The following CDK5RAP1 variants were observed in gnomAD, a reference collection of about 807,000 sequenced individuals.
CDK5RAP1 encodes the protein mitochondrial tRNA methylthiotransferase CDK5RAP1.
In CDK5RAP1, 62 loss-of-function variants were observed where a neutral mutation model predicts 64.5. The ratio of observed to expected loss-of-function variants is 0.96; its 90% CI spans 0.78 to 1.19. CDK5RAP1 has a LOEUF of 1.19. Ranked by LOEUF, CDK5RAP1 falls within the 50% of genes most tolerant of loss-of-function variation. The probability of loss-of-function intolerance (pLI) is 0.00; values close to 1 mark genes in which losing one functional copy is unlikely to be tolerated. For synonymous variants in CDK5RAP1, 250 were observed against 261.9 expected (o/e 0.95, Z 0.44); for missense variants, 657 against 735.0 (o/e 0.89, Z 1.23).
chr20:33,383,640 C>G lies in CDK5RAP1; in HGVS notation c.876+2010G>C, dbSNP rs1314485549. ...CCTATAATCCCAGCTACTCGGGAGG[C>G]TGAGGCAGGAGAATCGTTTGAACCC... On this transcript the variant is annotated intron_variant, in intron 7 of 13. Transcript: ENST00000346416. 1.3e-5 allele frequency: 2 copies of G among 151,288 alleles called. 1 individual carries two copies. Among genetic ancestry groups the G allele is most frequent in the Non-Finnish European group, 2.9e-5 (2 of 68,076 alleles). The allele number at this position is 151,288 out of a possible 1,614,324, so 9.4% of individuals were successfully genotyped here.
At chr20:33,370,355 A>G in intron 11 of CDK5RAP1, 144 bp downstream of exon 11, 1 of 760,358 alleles carries the variant, frequency 1.3e-6, no homozygotes, top group Non-Finnish European at 2.1e-6. Flanking sequence ...AGTGTACTAG[A>G]AAAATGAACG....
chr20:33,389,346 G>A (rs535453103), intron 5 of CDK5RAP1, among the ~76,000 whole-genome samples: 10 of 149,544 alleles, frequency 6.7e-5, no homozygotes, highest in East Asian at 6.2e-4. Context: ...CCCTCCGCGC[G>A]GCAGCCGCCC....
intron 8 of CDK5RAP1, among the ~76,000 whole-genome samples, chr20:33,375,914 T>C (rs558079753): frequency 6.6e-6 from 1 of 152,228 alleles, no homozygotes; most frequent in South Asian, 2.1e-4. Flanking sequence ...CTCGCTAGAG[T>C]GCAATGAAAC....
intron 1 of CDK5RAP1, among the ~76,000 whole-genome samples, chr20:33,400,844 C>T (rs1989342626): frequency 6.6e-6 from 1 of 152,126 alleles, no homozygotes; most frequent in African/African-American, 2.4e-5. Context: ...ACCCTGGAGT[C>T]AGAATCTGAC....
intron 4 of CDK5RAP1, 47 bp from the exon 5 acceptor site, chr20:33,392,289 A>C (rs374631611): frequency 5.8e-6 from 7 of 1,207,010 alleles, no homozygotes; most frequent in African/African-American, 3.0e-5. Context: ...TAAACCACAG[A>C]GGTATCTAAG....
rs556798057 is a variant in CDK5RAP1 at position 33,376,067 on chromosome 20, G to A, written c.1108-1855C>T. On this transcript the variant is annotated intron_variant, in intron 8 of 13. Coordinates refer to ENST00000346416, the MANE Select transcript of CDK5RAP1 (RefSeq NM_016408.4). The stretch of plus-strand genomic sequence containing the variant: ...TATAGGGCCGGGCACAGTGGCTCAC[G>A]CCTGTAATCCCAGCACTTTAGGAGG... Among the ~76,000 whole-genome samples, 18 of 152,166 alleles carry A rather than the reference G, an allele frequency of 1.2e-4. No individual in the cohort carries two copies. The East Asian group carries it at 2.7e-3, about 23-fold the overall frequency.
At chr20:33,397,130 G>T in intron 1 of CDK5RAP1, 46 bp from the exon 2 acceptor site, 1 of 1,414,628 alleles carries the variant, frequency 7.1e-7, no homozygotes, top group Non-Finnish European at 9.6e-7. Flanking sequence ...GAACACTATG[G>T]ACAGGACACT....
intron 10 of CDK5RAP1, among the ~76,000 whole-genome samples, chr20:33,371,280 T>G (rs1203355128): frequency 1.3e-5 from 2 of 152,142 alleles, no homozygotes; most frequent in African/African-American, 4.8e-5. Flanking sequence ...GGCGACAGAA[T>G]GATAACCTAT....
chr20:33,398,451 G>A (rs1451859173), intron 1 of CDK5RAP1, among the ~76,000 whole-genome samples: 1 of 152,084 alleles, frequency 6.6e-6, no homozygotes, highest in Non-Finnish European at 1.5e-5. Flanking sequence ...CCAAGATCAC[G>A]CCACTGCACT....
At chr20:33,394,988 C>A in intron 3 of CDK5RAP1, 25 bp downstream of exon 3, 2 of 1,400,046 alleles carry the variant, frequency 1.4e-6, no homozygotes, top group Non-Finnish European at 2.0e-6. Flanking sequence ...GTCCAGGAAA[C>A]AAAGGAAATA....
chr20:33,399,936 T>C (rs1343122401), intron 1 of CDK5RAP1, among the ~76,000 whole-genome samples: 1 of 151,854 alleles, frequency 6.6e-6, no homozygotes, highest in Non-Finnish European at 1.5e-5. Flanking sequence ...CCCAGCAACT[T>C]GGGAAGCTGA....
chr20:33,401,477 G>C lies in CDK5RAP1; in HGVS notation c.-70C>G, dbSNP rs1989413991. On this transcript the variant is annotated 5_prime_UTR_variant, in exon 1 of 14. Coordinates refer to ENST00000346416, the MANE Select transcript of CDK5RAP1 (RefSeq NM_016408.4). ...GGGTCCCGCAGCGTAAGTTCTGCCG[G>C]CAAGTCGGATCCCCTCACAGGTCCG... 3.0e-6 allele frequency: 3 copies of C among 985,322 alleles called. No homozygotes were observed. The highest frequency in any genetic ancestry group is 6.2e-5 in the Admixed American group (1 of 16,254). The allele number at this position is 985,322 out of a possible 1,614,324, so 61.0% of individuals were successfully genotyped here.
intron 8 of CDK5RAP1, among the ~76,000 whole-genome samples, chr20:33,376,866 A>G (rs1986061205): frequency 6.6e-6 from 1 of 152,180 alleles, no homozygotes; most frequent in South Asian, 2.1e-4. Flanking sequence ...AAATGTCAAC[A>G]TTAATAGGAG....
At chr20:33,390,367 C>CA (rs1406801993) in intron 5 of CDK5RAP1, among the ~76,000 whole-genome samples, 2 of 151,560 alleles carry the variant, frequency 1.3e-5, no homozygotes, top group African/African-American at 4.8e-5. Flanking sequence ...AAGACAGTCA[C>CA]AAAAAAGACA....
At chr20:33,372,735 C>T in intron 9 of CDK5RAP1, 38 bp from the exon 10 acceptor site, 1 of 1,371,562 alleles carries the variant, frequency 7.3e-7, no homozygotes, top group Non-Finnish European at 1.0e-6. Context: ...CTACATAAAT[C>T]CAACCTTTTT....
intron 6 of CDK5RAP1, 41 bp downstream of exon 6, chr20:33,387,282 G>GA: frequency 6.9e-7 from 1 of 1,444,234 alleles, no homozygotes; most frequent in Non-Finnish European, 9.6e-7. Context: ...AGTGTGAAAG[G>GA]AGGAAGAGGC....
At position 33,360,429 on chromosome 20, in the gene CDK5RAP1, G is replaced by A. The variant is rs1718264431; in HGVS notation, c.1605C>T (p.Phe535=). Residue 535 remains phenylalanine (F), a synonymous_variant, in exon 13 of 14, where the codon TTC becomes TTT. Coordinates refer to ENST00000346416, the MANE Select transcript of CDK5RAP1 (RefSeq NM_016408.4). Reference sequence around the variant, plus strand: ...TGACATCCTCCATCTCTGCATCAGGGAAGATCACCTTAAGGTTTCCATCAT... The same window carrying A: ...TGACATCCTCCATCTCTGCATCAGGAAAGATCACCTTAAGGTTTCCATCAT... ...GRNDGNLKVI[F]PDAEMEDVNN... is the part of the protein sequence containing the mutation. The A allele has an allele frequency of 6.8e-6, 11 of 1,613,622 alleles. No homozygotes were observed. Among genetic ancestry groups the A allele is most frequent in the Non-Finnish European group, 8.5e-6 (10 of 1,179,694 alleles).
At chr20:33,400,478 A>G (rs1461923838) in intron 1 of CDK5RAP1, among the ~76,000 whole-genome samples, 1 of 152,180 alleles carries the variant, frequency 6.6e-6, no homozygotes, top group African/African-American at 2.4e-5. Context: ...CGCCAATTCC[A>G]CATGTGTAAA....
chr20:33,390,121 TAAA>T (rs1335225569), intron 5 of CDK5RAP1, among the ~76,000 whole-genome samples: 1 of 151,188 alleles, frequency 6.6e-6, no homozygotes, highest in Non-Finnish European at 1.5e-5. Context: ...CTACAAAAAA[TAAA>T]AAAATTAGTC....
Sources: allele counts gnomAD v4.1 joint callset (sites outside exome capture counted in the v4.1 genomes callset), GRCh38; gene constraint gnomAD v4.1.1; transcripts MANE v1.5; gene names NCBI Gene and HGNC (gene_info 2026-07-23, HGNC 2026-07-21).